The following SUCLG2 variants were observed in gnomAD, a reference collection of about 807,000 sequenced individuals.
The protein encoded by SUCLG2 is succinate--CoA ligase [GDP-forming] subunit beta, mitochondrial.
In SUCLG2, 42 loss-of-function variants were observed where a neutral mutation model predicts 47.9. That is an observed-to-expected ratio of 0.88 (90% CI 0.69 to 1.14). The LOEUF is 1.14. Ranked by LOEUF, SUCLG2 falls within the 50% of genes most tolerant of loss-of-function variation. The probability of loss-of-function intolerance (pLI) is 0.00; values close to 1 mark genes in which losing one functional copy is unlikely to be tolerated. For missense variants in SUCLG2, 571 were observed against 525.9 expected, an observed-to-expected ratio of 1.09 and a Z score of -0.84; for synonymous variants, 195 against 197.3, an observed-to-expected ratio of 0.99 and a Z score of 0.10.
At chr3:67,607,336 T>C (rs1700436339) in intron 2 of SUCLG2, among the ~76,000 whole-genome samples, 1 of 152,254 alleles carries the variant, frequency 6.6e-6, no homozygotes, top group Non-Finnish European at 1.5e-5. Flanking sequence ...CAAAATATCC[T>C]GTTGATAACT....
intron 2 of SUCLG2, among the ~76,000 whole-genome samples, chr3:67,561,285 CCACATTT>C (rs1707301056): frequency 6.6e-6 from 1 of 151,870 alleles, no homozygotes; most frequent in Non-Finnish European, 1.5e-5. Flanking sequence ...ACATTAAATA[CCACATTT>C]ATTTACTCTC....
chr3:67,539,996 CA>C lies in SUCLG2; in HGVS notation c.227-10811del, dbSNP rs1006273225. Among the ~76,000 whole-genome samples, 44 of 150,654 alleles carry C rather than the reference CA, an allele frequency of 2.9e-4. No individual in the cohort carries two copies. The East Asian group carries it at 5.1e-3, about 18-fold the overall frequency. On this transcript the variant is annotated intron_variant, in intron 2 of 10. Coordinates refer to ENST00000307227, the MANE Select transcript of SUCLG2 (RefSeq NM_003848.4). ...AGACTATCTATTTTGTTAGCCTTTTCAAAAAAAACAGCTCCCGGATTCATTG... is the reference window on the plus strand; with the variant it reads ...AGACTATCTATTTTGTTAGCCTTTTCAAAAAAACAGCTCCCGGATTCATTG...
Position 67,529,076 on chromosome 3 carries a change from T to G in SUCLG2, c.326+11A>C. 6.2e-7 allele frequency: 1 copy of G among 1,600,482 alleles called. No homozygotes were observed. The stretch of plus-strand genomic sequence containing the variant: ...GGCCAAAAGACAAGGAATAACAACC[T>G]CCAGACTTACTCTTTTGTTAAATGA... On this transcript the variant is annotated intron_variant, in intron 3 of 10. Coordinates refer to ENST00000307227, the MANE Select transcript of SUCLG2 (RefSeq NM_003848.4).
intron 1 of SUCLG2, among the ~76,000 whole-genome samples, chr3:67,637,639 C>G (rs1437743822): frequency 1.3e-5 from 2 of 152,230 alleles, no homozygotes; most frequent in African/African-American, 4.8e-5. Context: ...AAAGGCTGCC[C>G]TCCAACCTGA....
intron 10 of SUCLG2, among the ~76,000 whole-genome samples, chr3:67,377,025 C>T (rs1288511109): frequency 6.6e-6 from 1 of 152,230 alleles, no homozygotes; most frequent in Non-Finnish European, 1.5e-5. Context: ...TCCTCGTAAT[C>T]TTCCCAAGAA....
chr3:67,413,263 G>A (rs1052707605), intron 9 of SUCLG2, among the ~76,000 whole-genome samples: 10 of 152,074 alleles, frequency 6.6e-5, no homozygotes, highest in East Asian at 1.9e-4. Context: ...GCACTAAAAC[G>A]GCTTCATTCA....
chr3:67,502,064 G>A (rs1465686379), intron 7 of SUCLG2, among the ~76,000 whole-genome samples: 3 of 152,050 alleles, frequency 2.0e-5, no homozygotes, highest in Admixed American at 2.0e-4. Flanking sequence ...CCAGAGGCTT[G>A]GTCTTACAAA....
At chr3:67,384,299 T>C (rs1702216257) in intron 10 of SUCLG2, among the ~76,000 whole-genome samples, 1 of 152,208 alleles carries the variant, frequency 6.6e-6, no homozygotes, top group Non-Finnish European at 1.5e-5. Flanking sequence ...GTGAGGATTT[T>C]CCAGAATTCT....
chr3:67,360,507 T>C (rs750775344), exon 11 of SUCLG2: 5 of 1,051,532 alleles, frequency 4.8e-6, no homozygotes, highest in Non-Finnish European at 6.6e-6. Context: ...CTATAAGCCA[T>C]GCCCTTCCAT....
chr3:67,477,235 C>T (rs1424511783), intron 9 of SUCLG2, among the ~76,000 whole-genome samples: 1 of 152,124 alleles, frequency 6.6e-6, no homozygotes, highest in Non-Finnish European at 1.5e-5. Flanking sequence ...GGAGTAAGGT[C>T]TGGGTATGTG....
At chr3:67,442,375 G>C (rs955257510) in intron 9 of SUCLG2, among the ~76,000 whole-genome samples, 3 of 152,148 alleles carry the variant, frequency 2.0e-5, no homozygotes, top group Admixed American at 1.3e-4. Flanking sequence ...ATGGTACCTG[G>C]AACAGCGGCA....
At chr3:67,631,499 C>T (rs993809004) in intron 1 of SUCLG2, among the ~76,000 whole-genome samples, 6 of 152,070 alleles carry the variant, frequency 3.9e-5, no homozygotes, top group African/African-American at 1.2e-4. Context: ...GTGGTGGATA[C>T]GCCTGTAATC....
chr3:67,399,831 A>C (rs1702643399), intron 10 of SUCLG2, among the ~76,000 whole-genome samples: 1 of 152,220 alleles, frequency 6.6e-6, no homozygotes, highest in Non-Finnish European at 1.5e-5. Context: ...AACTATTACC[A>C]ATAGACTTTT....
chr3:67,650,395 T>C (rs1182548058), intron 1 of SUCLG2, among the ~76,000 whole-genome samples: 1 of 152,220 alleles, frequency 6.6e-6, no homozygotes, highest in Non-Finnish European at 1.5e-5. Flanking sequence ...TTTGACAACA[T>C]ACATTCCTCT....
intron 9 of SUCLG2, among the ~76,000 whole-genome samples, chr3:67,420,894 G>A (rs1410658028): frequency 1.3e-5 from 2 of 152,096 alleles, no homozygotes; most frequent in Admixed American, 6.6e-5. Flanking sequence ...CTTTCCCCTT[G>A]CAGTAATCCT....
chr3:67,474,719 T>C (rs1431107949), intron 9 of SUCLG2, among the ~76,000 whole-genome samples: 1 of 152,230 alleles, frequency 6.6e-6, no homozygotes, highest in East Asian at 1.9e-4. Flanking sequence ...TTACTGAATT[T>C]TGTCCTGGTT....
chr3:67,645,883 G>C (rs1311620664), intron 1 of SUCLG2, among the ~76,000 whole-genome samples: 2 of 151,022 alleles, frequency 1.3e-5, no homozygotes, highest in Non-Finnish European at 2.9e-5. Context: ...CTCAACAACA[G>C]GTAAGAGAGT....
Position 67,462,163 on chromosome 3 carries a change from ATCTC to A in SUCLG2, c.1062+33631_1062+33634del, listed in dbSNP as rs138933638. Among the ~76,000 whole-genome samples the A allele has an allele frequency of 3.3e-3, 501 of 149,764 alleles. 1 individual carries two copies. The highest frequency in any genetic ancestry group is 6.2e-3 in the Non-Finnish European group (419 of 67,242). ...TCTCAGAAGCAAACCTCAAAAAACA[ATCTC>A]TCTCTCTCTCTCTCTGAAATTCTCC... is the stretch of plus-strand genomic sequence containing the variant. On this transcript the variant is annotated intron_variant, in intron 9 of 10. Coordinates refer to ENST00000307227, the MANE Select transcript of SUCLG2 (RefSeq NM_003848.4).
intron 9 of SUCLG2, among the ~76,000 whole-genome samples, chr3:67,412,365 C>A (rs1702948084): frequency 6.6e-6 from 1 of 152,116 alleles, no homozygotes; most frequent in South Asian, 2.1e-4. Context: ...CAAAAGGATT[C>A]CAGAATATCA....
Sources: allele counts gnomAD v4.1 joint callset (sites outside exome capture counted in the v4.1 genomes callset), GRCh38; gene constraint gnomAD v4.1.1; transcripts MANE v1.5; gene names NCBI Gene and HGNC (gene_info 2026-07-23, HGNC 2026-07-21).